GTF2B: variants seen among roughly 807,000 people sequenced by gnomAD.
The protein encoded by GTF2B is transcription initiation factor IIB.
In GTF2B, 20 loss-of-function variants were observed where a neutral mutation model predicts 34.6. The observed-to-expected ratio is 0.58, with a 90% CI of 0.41 to 0.84. GTF2B has a LOEUF of 0.84. GTF2B is among the 40% of genes least tolerant of loss of function. The probability of loss-of-function intolerance (pLI) is 0.00; values close to 1 mark genes in which losing one functional copy is unlikely to be tolerated. For synonymous variants in GTF2B, 142 were observed against 132.4 expected (o/e 1.07, Z -0.50); for missense variants, 237 against 393.3 (o/e 0.60, Z 3.36).
intron 2 of GTF2B, among the ~76,000 whole-genome samples, chr1:88,868,457 G>T (rs181751989): frequency 3.9e-5 from 6 of 152,200 alleles, no homozygotes; most frequent in Admixed American, 3.9e-4. Context: ...TTTTAATCAA[G>T]TTCCCCATCC....
In GTF2B at chr1:88,852,860, C is replaced by CT. The variant is rs1673222440; in HGVS notation, c.*352dup. 4 of 205,264 alleles carry CT rather than the reference C, an allele frequency of 1.9e-5. No homozygotes were observed. In the South Asian group the frequency reaches 3.2e-4, roughly 16 times the overall value. 12.7% of individuals were successfully genotyped at this position (205,264 alleles called of 1,614,324 possible). On this transcript the variant is annotated 3_prime_UTR_variant, in exon 7 of 7. Transcript: ENST00000370500. ...AAGTAATGGAAATAAAGTCTATCAGCTTTATTAGCTGCAATGATTTGCATT... is the reference window on the plus strand; with the variant it reads ...AAGTAATGGAAATAAAGTCTATCAGCTTTTATTAGCTGCAATGATTTGCATT...
chr1:88,874,073 A>T (rs1315292433), intron 2 of GTF2B, among the ~76,000 whole-genome samples: 1 of 152,192 alleles, frequency 6.6e-6, no homozygotes, highest in East Asian at 1.9e-4. Flanking sequence ...GGAATCGCAA[A>T]CAAAGACAAA....
At chr1:88,880,061 C>T (rs1448188642) in intron 2 of GTF2B, among the ~76,000 whole-genome samples, 1 of 150,568 alleles carries the variant, frequency 6.6e-6, no homozygotes, top group Non-Finnish European at 1.5e-5. Flanking sequence ...TCCTCCATCT[C>T]AAAAAAATAA....
At chr1:88,884,499 C>T (rs1234620966) in intron 2 of GTF2B, among the ~76,000 whole-genome samples, 20 of 152,184 alleles carry the variant, frequency 1.3e-4, no homozygotes, top group Admixed American at 1.3e-3. Flanking sequence ...TGCTAACAGT[C>T]TTAAATAAAT....
chr1:88,853,198 G>C lies in GTF2B; in HGVS notation c.*15C>G, dbSNP rs539352695. The C allele has an allele frequency of 1.9e-6, 3 of 1,612,824 alleles. No homozygotes were observed. The East Asian group carries it at 6.7e-5, about 36-fold the overall frequency. On this transcript the variant is annotated 3_prime_UTR_variant, in exon 7 of 7. Coordinates refer to ENST00000370500, the MANE Select transcript of GTF2B (RefSeq NM_001514.6). Reference sequence around the variant, plus strand: ...AAAGTTTTGTATTCAAGAATTTGACGTTAGCTGCCTCAATTTATAGCTGTG... The same window carrying C: ...AAAGTTTTGTATTCAAGAATTTGACCTTAGCTGCCTCAATTTATAGCTGTG...
In GTF2B at chr1:88,856,804, GTT is replaced by G. The variant is rs139940304; in HGVS notation, c.817+400_817+401del. 5.8e-5 allele frequency among the ~76,000 whole-genome samples: 8 copies of G among 137,768 alleles called. No homozygotes were observed. The East Asian group carries it at 8.3e-4, about 14-fold the overall frequency. The allele number at this position is 137,768 out of a possible 152,430, so 90.4% of individuals were successfully genotyped here. A position where few individuals can be genotyped will look rare whatever the true frequency, so the allele number is the denominator to read the frequency against. ...TTGAGGAATGATGTCTTAAACGTGG[GTT>G]TTTTTTTTTTTTTGAGATGGAGTCT... On this transcript the variant is annotated intron_variant, in intron 6 of 6. Transcript: ENST00000370500.
intron 2 of GTF2B, among the ~76,000 whole-genome samples, chr1:88,877,825 G>A (rs572537560): frequency 6.6e-6 from 1 of 152,342 alleles, no homozygotes; most frequent in Admixed American, 6.5e-5. Flanking sequence ...CCACTACTCA[G>A]AAGGCTGAGG....
At chr1:88,868,590 C>T (rs1673612045) in intron 2 of GTF2B, among the ~76,000 whole-genome samples, 1 of 152,124 alleles carries the variant, frequency 6.6e-6, no homozygotes, top group Non-Finnish European at 1.5e-5. Context: ...GAAGAGAATA[C>T]GAATTCCATC....
At chr1:88,886,466 G>A (rs990598501) in intron 2 of GTF2B, among the ~76,000 whole-genome samples, 1 of 151,996 alleles carries the variant, frequency 6.6e-6, no homozygotes, top group Non-Finnish European at 1.5e-5. Flanking sequence ...GTTATTTTTG[G>A]CAATAATTTT....
At chr1:88,864,353 G>A (rs1029444974) in intron 2 of GTF2B, among the ~76,000 whole-genome samples, 2 of 152,150 alleles carry the variant, frequency 1.3e-5, no homozygotes, top group African/African-American at 4.8e-5. Context: ...GGAAGAAAAA[G>A]TATTAGTCAA....
At chr1:88,868,545 TAA>T (rs1479839211) in intron 2 of GTF2B, among the ~76,000 whole-genome samples, 1 of 152,232 alleles carries the variant, frequency 6.6e-6, no homozygotes, top group Non-Finnish European at 1.5e-5. Context: ...GAGTGGTGTC[TAA>T]AGAGTATTAA....
chr1:88,857,048 G>A lies in GTF2B; in HGVS notation c.817+158C>T, dbSNP rs113371048. 0.022 allele frequency among the ~76,000 whole-genome samples: 3,357 copies of A among 152,094 alleles called. 109 individuals carry two copies. The highest frequency in any genetic ancestry group is 0.067 in the African/African-American group (2,791 of 41,482). ...ACTCCTGACCTTAGGTGATCCTCCCGCCTCGGCCTTCCAAAGTGCTGAGAT... is the reference window on the plus strand; with the variant it reads ...ACTCCTGACCTTAGGTGATCCTCCCACCTCGGCCTTCCAAAGTGCTGAGAT... On this transcript the variant is annotated intron_variant, in intron 6 of 6. Coordinates refer to ENST00000370500, the MANE Select transcript of GTF2B (RefSeq NM_001514.6).
Position 88,890,853 on chromosome 1 carries a change from G to T in GTF2B, c.17+630C>A, listed in dbSNP as rs151270775. Among the ~76,000 whole-genome samples, 21 of 152,148 alleles carry T rather than the reference G, an allele frequency of 1.4e-4. No individual in the cohort carries two copies. The East Asian group carries it at 4.1e-3, about 29-fold the overall frequency. ...ACATATAACTAATTTTCTTTGGCAAGATTTTCTTCAGAAGTACACAGGCAA... is the reference window on the plus strand; with the variant it reads ...ACATATAACTAATTTTCTTTGGCAATATTTTCTTCAGAAGTACACAGGCAA... On this transcript the variant is annotated intron_variant, in intron 1 of 6. Transcript: ENST00000370500.
chr1:88,867,487 C>T (rs980256251), intron 2 of GTF2B, among the ~76,000 whole-genome samples: 1 of 152,104 alleles, frequency 6.6e-6, no homozygotes, highest in African/African-American at 2.4e-5. Context: ...AATAAAAACA[C>T]AAACATGCAT....
intron 3 of GTF2B, among the ~76,000 whole-genome samples, chr1:88,862,522 G>T (rs1412663392): frequency 6.6e-6 from 1 of 152,162 alleles, no homozygotes; most frequent in Non-Finnish European, 1.5e-5. Flanking sequence ...TCCCACCTTA[G>T]CGACAGTGTT....
At chr1:88,860,441 TAAC>T (rs938431451) in intron 3 of GTF2B, among the ~76,000 whole-genome samples, 155 bp from the exon 4 acceptor site, 1 of 152,190 alleles carries the variant, frequency 6.6e-6, no homozygotes, top group African/African-American at 2.4e-5. Flanking sequence ...CATGTAATTC[TAAC>T]AACTGTTCAA....
chr1:88,858,500 T>C (rs1673368591), intron 5 of GTF2B, among the ~76,000 whole-genome samples: 1 of 152,180 alleles, frequency 6.6e-6, no homozygotes, highest in Non-Finnish European at 1.5e-5. Context: ...TCCCTGCGAT[T>C]ATGGGCTGTA....
rs1446262840 is a variant in GTF2B at position 88,852,642 on chromosome 1, T to C, written c.*571A>G. 6.6e-6 allele frequency among the ~76,000 whole-genome samples: 1 copy of C among 152,166 alleles called. No homozygotes were observed. Among genetic ancestry groups the C allele is most frequent in the Non-Finnish European group, 1.5e-5 (1 of 68,020 alleles). On this transcript the variant is annotated 3_prime_UTR_variant, in exon 7 of 7. Transcript: ENST00000370500. ...AAGCTCACTAAGAAAATCACATACT[T>C]AGAACATTTTAATGTCTCTCAAGCT...
chr1:88,890,908 G>A (rs1021380975), intron 1 of GTF2B, among the ~76,000 whole-genome samples: 9 of 151,960 alleles, frequency 5.9e-5, no homozygotes, highest in African/African-American at 1.7e-4. Flanking sequence ...CTTTAGCAGG[G>A]AACTAATCAA....
Sources: allele counts gnomAD v4.1 joint callset (sites outside exome capture counted in the v4.1 genomes callset), GRCh38; gene constraint gnomAD v4.1.1; transcripts MANE v1.5; gene names NCBI Gene and HGNC (gene_info 2026-07-23, HGNC 2026-07-21).